Variants in NAXD observed in about 807,000 individuals in gnomAD.
NAXD encodes NAD(P)HX dehydratase, also known as ATP-dependent (S)-NAD(P)H-hydrate dehydratase.
NAXD carries 22 observed loss-of-function variants against 35.8 expected under a neutral mutation model. The ratio of observed to expected loss-of-function variants is 0.62; its 90% confidence interval spans 0.44 to 0.88. NAXD has a LOEUF of 0.88. Ranked by LOEUF, NAXD falls within the 40% of genes least tolerant of loss-of-function variation. The probability of loss-of-function intolerance (pLI) is 0.00; values close to 1 mark genes in which losing one functional copy is unlikely to be tolerated. For missense variants in NAXD, 428 were observed against 437.7 expected (o/e 0.98, Z 0.20); for synonymous variants, 189 against 177.6 (o/e 1.06, Z -0.51).
At chr13:110,620,569 ACT>A (rs1236074309) in intron 1 of NAXD, among the ~76,000 whole-genome samples, 2 of 134,796 alleles carry the variant, frequency 1.5e-5, no homozygotes, top group Non-Finnish European at 3.0e-5. Context: ...ACAGAGTGAG[ACT>A]CTGTCTCAAA....
chr13:110,625,866 G>A (rs1247280245), intron 4 of NAXD, among the ~76,000 whole-genome samples: 2 of 152,224 alleles, frequency 1.3e-5, no homozygotes, highest in African/African-American at 2.4e-5. Flanking sequence ...GGATTGGGCT[G>A]TGCTGCTCTG....
At chr13:110,627,149 A>C (rs1227011226) in intron 4 of NAXD, among the ~76,000 whole-genome samples, 2 of 152,190 alleles carry the variant, frequency 1.3e-5, no homozygotes, top group Non-Finnish European at 2.9e-5. Flanking sequence ...CATCAAGAGG[A>C]AATGGGAAAT....
upstream of NAXD, chr13:110,615,521 G>C (rs533639264): frequency 4.4e-5 from 57 of 1,294,886 alleles, no homozygotes; most frequent in African/African-American, 8.2e-4. Context: ...CGCGGAGGCG[G>C]TCGGGAAACC....
At position 110,638,918 on chromosome 13, in the gene NAXD, CTGCT is replaced by C. The variant is rs1299089915; in HGVS notation, c.*392_*395del. 1.4e-5 allele frequency: 5 copies of C among 354,568 alleles called. No homozygotes were observed. Among genetic ancestry groups the C allele is most frequent in the African/African-American group, 1.2e-4 (5 of 41,696 alleles). 22.0% of individuals were successfully genotyped at this position (354,568 alleles called of 1,614,324 possible). ...TCTGCCGGCGCCCTTCGTTCCTCCT[CTGCT>C]TCCCTTCCCTAGTCTTTCCTCCGGC... On this transcript the variant is annotated 3_prime_UTR_variant, in exon 10 of 10. Coordinates refer to ENST00000680254, the MANE Select transcript of NAXD (RefSeq NM_001242882.2). This position sits in a 1 kb window ranked among gnomAD's most constrained non-coding sequence, Gnocchi z 5.4.
intron 5 of NAXD, among the ~76,000 whole-genome samples, chr13:110,633,103 G>A (rs1409815521): frequency 3.3e-5 from 5 of 152,118 alleles, no homozygotes; most frequent in Admixed American, 6.5e-5. Context: ...GGGGAGGCTC[G>A]GGCCGCACAG....
chr13:110,637,847 T>C (rs752271502), intron 9 of NAXD: 8 of 471,124 alleles, frequency 1.7e-5, no homozygotes, highest in Admixed American at 1.2e-4. Flanking sequence ...TGTGTCCTCA[T>C]TGCCGGGATG....
Position 110,638,118 on chromosome 13 carries a change from C to T in NAXD, c.840-260C>T. On this transcript the variant is annotated intron_variant, in intron 9 of 9. Coordinates refer to ENST00000680254, the MANE Select transcript of NAXD (RefSeq NM_001242882.2). This position sits in a 1 kb window ranked among gnomAD's most constrained non-coding sequence, Gnocchi z 5.4. The stretch of plus-strand genomic sequence containing the variant: ...CCTGGCTTTCCCCGGGAACACCTGG[C>T]CCACTGTGTGCCCTAGCCCTGGACC... 2.1e-6 allele frequency: 2 copies of T among 969,484 alleles called. No individual in the cohort carries two copies. Among genetic ancestry groups the T allele is most frequent in the East Asian group, 2.4e-5 (1 of 41,486 alleles). 60.1% of individuals were successfully genotyped at this position (969,484 alleles called of 1,614,324 possible).
At chr13:110,626,960 A>G (rs1886508956) in intron 4 of NAXD, among the ~76,000 whole-genome samples, 1 of 152,270 alleles carries the variant, frequency 6.6e-6, no homozygotes, top group Non-Finnish European at 1.5e-5. Flanking sequence ...TGTGATGGAA[A>G]CAAACGGGCT....
Position 110,628,816 on chromosome 13 carries a change from A to G in NAXD, c.441+1269A>G, listed in dbSNP as rs1192273346. Among the ~76,000 whole-genome samples the G allele has an allele frequency of 6.6e-6, 1 of 152,130 alleles. No individual in the cohort carries two copies. The highest frequency in any genetic ancestry group is 6.5e-5 in the Admixed American group (1 of 15,278). ...GGTGCACGGCTGCTGCTTCCTGTCC[A>G]GCTCTGCATCCTGGGGGTGCGGATG... On this transcript the variant is annotated intron_variant, in intron 5 of 9. Coordinates refer to ENST00000680254, the MANE Select transcript of NAXD (RefSeq NM_001242882.2). This position sits in a 1 kb window ranked among gnomAD's most constrained non-coding sequence, Gnocchi z 4.1.
intron 7 of NAXD, among the ~76,000 whole-genome samples, 179 bp from the exon 8 acceptor site, chr13:110,635,289 G>A (rs973010497): frequency 2.0e-5 from 3 of 152,182 alleles, no homozygotes; most frequent in Non-Finnish European, 2.9e-5. Context: ...GCACCTGCTC[G>A]GAGGACTCAC....
chr13:110,625,184 C>A lies in NAXD; in HGVS notation c.244-6C>A. 2 of 1,612,048 alleles carry A rather than the reference C, an allele frequency of 1.2e-6. No individual in the cohort carries two copies. The highest frequency in any genetic ancestry group is 1.7e-6 in the Non-Finnish European group (2 of 1,178,230). ...CCTGAGTCGGCCTCTTGTGCTCCTTCATCAGGGCGCAGACTTGTCCCACGT... is the reference window on the plus strand; with the variant it reads ...CCTGAGTCGGCCTCTTGTGCTCCTTAATCAGGGCGCAGACTTGTCCCACGT... On this transcript the variant is annotated splice_polypyrimidine_tract_variant and splice_region_variant and intron_variant, in intron 3 of 9. Coordinates refer to ENST00000680254, the MANE Select transcript of NAXD (RefSeq NM_001242882.2).
chr13:110,623,775 G>A (rs1332199206), intron 2 of NAXD, among the ~76,000 whole-genome samples: 2 of 152,184 alleles, frequency 1.3e-5, no homozygotes, highest in Non-Finnish European at 2.9e-5. Context: ...GGCCGAGGCG[G>A]GCGGATCACC....
intron 4 of NAXD, among the ~76,000 whole-genome samples, chr13:110,626,394 G>A (rs1886484723): frequency 6.6e-6 from 1 of 152,174 alleles, no homozygotes; most frequent in African/African-American, 2.4e-5. Context: ...GGGCTTGGGT[G>A]GGATGAAGAT....
chr13:110,618,692 C>G (rs1886149770), intron 1 of NAXD, among the ~76,000 whole-genome samples: 1 of 152,136 alleles, frequency 6.6e-6, no homozygotes, highest in African/African-American at 2.4e-5. Context: ...ATCATTTTAA[C>G]AAAGCTTACC....
chr13:110,618,568 T>C (rs1300295470), intron 1 of NAXD, among the ~76,000 whole-genome samples: 2 of 152,204 alleles, frequency 1.3e-5, no homozygotes, highest in Admixed American at 1.3e-4. Flanking sequence ...AGAATTGATA[T>C]TTTTGGCTTG....
intron 8 of NAXD, among the ~76,000 whole-genome samples, chr13:110,636,486 CCACA>C (rs754768183): frequency 3.9e-4 from 59 of 152,332 alleles, no homozygotes; most frequent in South Asian, 1.7e-3. Context: ...GCACACTCAT[CCACA>C]CACAGCTGTG....
chr13:110,625,100 C>T, intron 3 of NAXD, 90 bp from the exon 4 acceptor site: 1 of 936,898 alleles, frequency 1.1e-6, no homozygotes, highest in Non-Finnish European at 1.7e-6. Context: ...GTCACCAGGG[C>T]TGAGTAATGA....
rs753221403 is a variant in NAXD, at chr13:110,638,330, A to C, written c.840-48A>C. 5.0e-6 allele frequency: 8 copies of C among 1,613,340 alleles called. No homozygotes were observed. The Admixed American group carries it at 1.3e-4, about 27-fold the overall frequency. ...AGCCCAGGGTAGCTGCGGCCCCCGG[A>C]CCACGACGCCCACTTCCCCACACCT... On this transcript the variant is annotated intron_variant, in intron 9 of 9. Coordinates refer to ENST00000680254, the MANE Select transcript of NAXD (RefSeq NM_001242882.2). The surrounding 1 kb of genome is among the most constrained non-coding windows in gnomAD (Gnocchi z 5.4).
intron 3 of NAXD, 42 bp downstream of exon 3, chr13:110,624,321 G>A (rs1476728208): frequency 1.6e-6 from 2 of 1,246,462 alleles, no homozygotes; most frequent in African/African-American, 1.5e-5. Flanking sequence ...TTTTCTGGTA[G>A]AGAGTTTGAT....
Sources: gnomAD v4.1 joint callset for allele counts (sites outside exome capture counted in the v4.1 genomes callset) on GRCh38, gnomAD v4.1.1 for gene constraint, Gnocchi (gnomAD v3.1) non-coding constraint, MANE v1.5 for transcripts, NCBI Gene and HGNC (gene_info 2026-07-23, HGNC 2026-07-21) for gene names.